The following KCND3 variants were observed in gnomAD, a reference collection of about 807,000 sequenced individuals.
KCND3 encodes A-type voltage-gated potassium channel KCND3.
KCND3 carries 9 observed loss-of-function variants against 51.1 expected under a neutral mutation model. That is an observed-to-expected ratio of 0.18 (90% confidence interval 0.11 to 0.31). The LOEUF (loss-of-function observed/expected upper bound fraction) is 0.31. KCND3 is among the 10% of genes least tolerant of loss of function. The pLI is 1.00. For synonymous variants in KCND3, 349 were observed against 368.0 expected (o/e 0.95, Z 0.59); for missense variants, 526 against 903.8 (o/e 0.58, Z 5.36).
chr1:111,923,756 A>C (rs1404604160), intron 2 of KCND3, among the ~76,000 whole-genome samples: 1 of 152,248 alleles, frequency 6.6e-6, no homozygotes, highest in Non-Finnish European at 1.5e-5. Context: ...GCTCCTCAGC[A>C]GAGGTGCAGC....
chr1:111,958,945 C>A (rs1571904423), intron 2 of KCND3, among the ~76,000 whole-genome samples: 1 of 152,204 alleles, frequency 6.6e-6, no homozygotes, highest in Non-Finnish European at 1.5e-5. Flanking sequence ...TGCCATTATG[C>A]ATCTTGCTTG....
chr1:111,942,143 T>C (rs1200796668), intron 2 of KCND3, among the ~76,000 whole-genome samples: 2 of 152,222 alleles, frequency 1.3e-5, no homozygotes, highest in Non-Finnish European at 2.9e-5. Context: ...TCATTGGGCA[T>C]GTACTACGAG....
At chr1:111,886,813 C>T (rs778771664) in intron 2 of KCND3, among the ~76,000 whole-genome samples, 13 of 152,150 alleles carry the variant, frequency 8.5e-5, no homozygotes, top group Admixed American at 3.3e-4. Flanking sequence ...GGCCAGTAGA[C>T]GGTGGATTTG....
intron 2 of KCND3, among the ~76,000 whole-genome samples, chr1:111,808,319 T>G (rs192142806): frequency 3.3e-5 from 5 of 152,342 alleles, no homozygotes; most frequent in Non-Finnish European, 5.9e-5. Flanking sequence ...CTCAGCATCT[T>G]TGTAATCGGT....
At chr1:111,930,734 C>T (rs902113995) in intron 2 of KCND3, among the ~76,000 whole-genome samples, 5 of 151,980 alleles carry the variant, frequency 3.3e-5, no homozygotes, top group Non-Finnish European at 7.4e-5. Flanking sequence ...GACTTAAAAG[C>T]CCCTCTGAGT....
At position 111,897,607 on chromosome 1, in the gene KCND3, G is replaced by A. The variant is rs538815867; in HGVS notation, c.1106+84014C>T. On this transcript the variant is annotated intron_variant, in intron 2 of 7. Transcript: ENST00000302127. ...GCCTATGTGGGGCCAGGTAGGGCAG[G>A]GCATGCAGGTCTGAGGGCAGTGGAC... Among the ~76,000 whole-genome samples the A allele has an allele frequency of 3.3e-5, 5 of 152,344 alleles. No homozygotes were observed. In the South Asian group the frequency reaches 1.0e-3, roughly 32 times the overall value.
chr1:111,945,812 C>T (rs1672751145), intron 2 of KCND3, among the ~76,000 whole-genome samples: 1 of 152,168 alleles, frequency 6.6e-6, no homozygotes, highest in Admixed American at 6.5e-5. Flanking sequence ...GTCTGATGCC[C>T]ACACCAATTA....
At chr1:111,849,301 A>G (rs617531) in intron 2 of KCND3, among the ~76,000 whole-genome samples, 55,464 of 152,172 alleles carry the variant, frequency 0.36, 10,169 homozygotes, top group East Asian at 0.51. Flanking sequence ...GCCAGCCATC[A>G]GCTGTGCCAC....
chr1:111,776,990 C>T lies in KCND3; in HGVS notation c.1766+36G>A, dbSNP rs755438937. ...GTCTAATTCTGTGAATGGGATGATT[C>T]GAGCCTTTGCGGGTGATGGGATGGA... is the stretch of plus-strand genomic sequence containing the variant. On this transcript the variant is annotated intron_variant, in intron 7 of 7. Transcript: ENST00000302127. The T allele has an allele frequency of 7.1e-5, 114 of 1,612,098 alleles. 1 individual carries two copies. The Middle Eastern group carries it at 1.2e-3, about 18-fold the overall frequency.
intron 2 of KCND3, among the ~76,000 whole-genome samples, chr1:111,799,829 G>A (rs1665215156): frequency 6.6e-6 from 1 of 152,258 alleles, no homozygotes; most frequent in Non-Finnish European, 1.5e-5. Context: ...AAGAGCAAAT[G>A]CTAGCCAGCC....
chr1:111,926,053 C>T (rs1435450328), intron 2 of KCND3, among the ~76,000 whole-genome samples: 1 of 152,182 alleles, frequency 6.6e-6, no homozygotes, highest in Non-Finnish European at 1.5e-5. Context: ...ATTATGCATA[C>T]CATTAAGGAT....
At chr1:111,909,595 G>T (rs968550447) in intron 2 of KCND3, 2 of 152,154 alleles carry the variant, frequency 1.3e-5, no homozygotes, top group African/African-American at 4.8e-5. Context: ...TGCCGAGAAG[G>T]GCCAAAGATT....
At chr1:111,850,931 A>T (rs541675629) in intron 2 of KCND3, among the ~76,000 whole-genome samples, 1 of 152,332 alleles carries the variant, frequency 6.6e-6, no homozygotes, top group African/African-American at 2.4e-5. Flanking sequence ...GGACCCTGGC[A>T]CTTAGGTTTC....
chr1:111,927,551 A>C (rs1671764979), intron 2 of KCND3, among the ~76,000 whole-genome samples: 1 of 152,218 alleles, frequency 6.6e-6, no homozygotes. Context: ...GTGCAGAGGG[A>C]GAGAACCCTG....
chr1:111,984,213 C>T lies in KCND3; in HGVS notation c.-72-1415G>A, dbSNP rs571589087. Among the ~76,000 whole-genome samples the T allele has an allele frequency of 2.0e-5, 3 of 152,304 alleles. No homozygotes were observed. The South Asian group carries it at 6.2e-4, about 32-fold the overall frequency. ...GTAATGGGAGTCGATCTTCATCTCT[C>T]CCTATAAACCTGCTTCACCTTCTCC... On this transcript the variant is annotated intron_variant, in intron 1 of 7. Transcript: ENST00000302127.
At chr1:111,862,410 C>T (rs1668374862) in intron 2 of KCND3, among the ~76,000 whole-genome samples, 1 of 152,260 alleles carries the variant, frequency 6.6e-6, no homozygotes, top group Non-Finnish European at 1.5e-5. Flanking sequence ...ATGCCCCCAA[C>T]CCTTTCACTA....
chr1:111,935,327 A>G (rs1415579659), intron 2 of KCND3, among the ~76,000 whole-genome samples: 3 of 152,110 alleles, frequency 2.0e-5, no homozygotes, highest in African/African-American at 7.2e-5. Flanking sequence ...TTCTGAATTG[A>G]TTTTAGAGCC....
At chr1:111,806,551 T>C (rs899827771) in intron 2 of KCND3, among the ~76,000 whole-genome samples, 2 of 152,210 alleles carry the variant, frequency 1.3e-5, no homozygotes, top group African/African-American at 2.4e-5. Flanking sequence ...CACATGGTTA[T>C]TGTGAGGAAA....
intron 2 of KCND3, among the ~76,000 whole-genome samples, chr1:111,883,948 T>C (rs558340420): frequency 6.6e-6 from 1 of 152,364 alleles, no homozygotes; most frequent in South Asian, 2.1e-4. Context: ...GCATTAGGTA[T>C]GTTCTGCTTA....
Sources: gnomAD v4.1 joint callset for allele counts (sites outside exome capture counted in the v4.1 genomes callset) on GRCh38, gnomAD v4.1.1 for gene constraint, MANE v1.5 for transcripts, NCBI Gene and HGNC (gene_info 2026-07-23, HGNC 2026-07-21) for gene names.